The following OTUD7B variants were observed in gnomAD, a reference collection of about 807,000 sequenced individuals.
OTUD7B encodes OTU deubiquitinase 7B.
In OTUD7B, 34 loss-of-function variants were observed where a neutral mutation model predicts 82.2. The ratio of observed to expected loss-of-function variants is 0.41; its 90% CI spans 0.31 to 0.55. The LOEUF (loss-of-function observed/expected upper bound fraction) is 0.55. Ranked by LOEUF, OTUD7B falls within the 20% of genes least tolerant of loss-of-function variation. The pLI, the probability that OTUD7B is intolerant of heterozygous loss-of-function variation, is 0.20. For missense variants in OTUD7B, 944 were observed against 1,062.1 expected, an observed-to-expected ratio of 0.89 and a Z score of 1.55; for synonymous variants, 398 against 402.7, an observed-to-expected ratio of 0.99 and a Z score of 0.14.
intron 4 of OTUD7B, 31 bp downstream of exon 4, chr1:149,967,263 G>A: frequency 6.7e-7 from 1 of 1,485,860 alleles, no homozygotes; most frequent in Non-Finnish European, 9.4e-7. Context: ...AGAGTAGAGG[G>A]AAGAGTGTGG....
At chr1:150,052,321 G>A in the OTUD7B span, among the ~76,000 whole-genome samples, 10 of 152,218 alleles carry the variant, frequency 6.6e-5, no homozygotes, top group African/African-American at 1.4e-4. Flanking sequence ...CAGCAAAGTC[G>A]CAGGATGTAA....
At chr1:149,955,089 T>C (rs1348404114) in intron 7 of OTUD7B, among the ~76,000 whole-genome samples, 1 of 152,168 alleles carries the variant, frequency 6.6e-6, no homozygotes, top group African/African-American at 2.4e-5. Context: ...CTGCTAGCTT[T>C]TGAATGTTTG....
At chr1:149,951,433 G>C (rs186399483) in intron 7 of OTUD7B, among the ~76,000 whole-genome samples, 1 of 152,024 alleles carries the variant, frequency 6.6e-6, no homozygotes, top group African/African-American at 2.4e-5. Flanking sequence ...TCTGTCTCCC[G>C]GGCTTATCTT....
At chr1:149,959,244 G>A (rs1648959803) in intron 7 of OTUD7B, among the ~76,000 whole-genome samples, 1 of 93,134 alleles carries the variant, frequency 1.1e-5, no homozygotes, top group Admixed American at 1.0e-4. Flanking sequence ...AAAAAAGAAA[G>A]AAAAAGAAAG....
At position 149,964,246 on chromosome 1, in the gene OTUD7B, C is replaced by A; in HGVS notation, c.708G>T (p.Trp236Cys). The A allele has an allele frequency of 6.2e-7, 1 of 1,613,492 alleles. No homozygotes were observed. Among genetic ancestry groups the A allele is most frequent in the Non-Finnish European group, 8.5e-7 (1 of 1,180,012 alleles). The stretch of plus-strand genomic sequence containing the variant: ...CCTCTTTATTCTGCTGTGTCTGCTG[C>A]CACCTCCAGCGCCTTTTCAACGCTT... Reference protein sequence around the residue: ...EKEALKRRWRWQQTQQNKESG... With the variant: ...EKEALKRRWRCQQTQQNKESG... Residue 236 changes from tryptophan (W) to cysteine (C), a missense_variant, in exon 6 of 12, where the codon TGG becomes TGT. Transcript: ENST00000581312.
At chr1:150,054,114 A>G in the OTUD7B span, 1 of 377,606 alleles carries the variant, frequency 2.6e-6, no homozygotes, top group Non-Finnish European at 4.9e-6. Context: ...GAAAAGCAAA[A>G]GGAGAAGTTT....
At chr1:150,017,938 A>C in the OTUD7B span, among the ~76,000 whole-genome samples, 4 of 152,132 alleles carry the variant, frequency 2.6e-5, no homozygotes, top group Non-Finnish European at 4.4e-5. Context: ...ATCTACTAGA[A>C]TCTCTCACTG....
chr1:149,991,342 T>C (rs587654252), intron 1 of OTUD7B, among the ~76,000 whole-genome samples: 1 of 152,308 alleles, frequency 6.6e-6, no homozygotes, highest in South Asian at 2.1e-4. Flanking sequence ...GTACCTTTTA[T>C]AATAATAATT....
the OTUD7B span, among the ~76,000 whole-genome samples, chr1:150,023,939 T>C: frequency 2.0e-5 from 3 of 152,200 alleles, no homozygotes; most frequent in African/African-American, 7.2e-5. Context: ...TTAAAGGTAT[T>C]CCAGCTTCCT....
chr1:149,964,143 T>G, intron 6 of OTUD7B, 79 bp downstream of exon 6: 5 of 1,531,824 alleles, frequency 3.3e-6, no homozygotes, highest in Non-Finnish European at 4.5e-6. Context: ...TTGGAAATAT[T>G]TTCTACTGGC....
At chr1:150,055,804 G>A in the OTUD7B span, among the ~76,000 whole-genome samples, 2 of 152,200 alleles carry the variant, frequency 1.3e-5, no homozygotes, top group Non-Finnish European at 2.9e-5. Flanking sequence ...AATACTGCAT[G>A]TTCTCACTTA....
At chr1:150,025,872 G>T in the OTUD7B span, among the ~76,000 whole-genome samples, 2 of 152,194 alleles carry the variant, frequency 1.3e-5, no homozygotes, top group Non-Finnish European at 2.9e-5. Context: ...AAGAGATGTG[G>T]TCAGGTGCTC....
chr1:149,978,913 G>C (rs1650513630), intron 1 of OTUD7B, among the ~76,000 whole-genome samples: 1 of 151,982 alleles, frequency 6.6e-6, no homozygotes, highest in African/African-American at 2.4e-5. Flanking sequence ...TTTTGGGAAA[G>C]GTCAAAGCAT....
chr1:149,976,307 A>T (rs970026671), intron 2 of OTUD7B, among the ~76,000 whole-genome samples: 21 of 151,744 alleles, frequency 1.4e-4, no homozygotes, highest in African/African-American at 5.1e-4. Flanking sequence ...ACCCTTCAGG[A>T]CCTTAAAATC....
the OTUD7B span, among the ~76,000 whole-genome samples, chr1:150,063,999 T>C: frequency 6.6e-6 from 1 of 152,178 alleles, no homozygotes; most frequent in Non-Finnish European, 1.5e-5. Flanking sequence ...GATCAAGTCT[T>C]AATGGAAATT....
At chr1:149,990,873 C>G (rs981146661) in intron 1 of OTUD7B, among the ~76,000 whole-genome samples, 1 of 152,054 alleles carries the variant, frequency 6.6e-6, no homozygotes, top group African/African-American at 2.4e-5. Flanking sequence ...TGCTTGTAAT[C>G]CGAGCTACTT....
the OTUD7B span, among the ~76,000 whole-genome samples, chr1:150,018,325 T>G: frequency 1.3e-5 from 2 of 152,116 alleles, no homozygotes; most frequent in South Asian, 2.1e-4. Context: ...GGCCAAATAA[T>G]GAAACTGGGC....
chr1:150,038,244 C>T, the OTUD7B span, among the ~76,000 whole-genome samples: 183 of 152,018 alleles, frequency 1.2e-3, no homozygotes, highest in African/African-American at 4.2e-3. Context: ...TATTTTTTTG[C>T]TTTTTAGATT....
chr1:149,981,647 A>G (rs1450623509), intron 1 of OTUD7B, among the ~76,000 whole-genome samples: 1 of 152,210 alleles, frequency 6.6e-6, no homozygotes, highest in Non-Finnish European at 1.5e-5. Context: ...CCTGTCTTAT[A>G]TCAGTACTTG....
Sources: allele counts gnomAD v4.1 joint callset (sites outside exome capture counted in the v4.1 genomes callset), GRCh38; gene constraint gnomAD v4.1.1; transcripts MANE v1.5; gene names NCBI Gene and HGNC (gene_info 2026-07-23, HGNC 2026-07-21).